SREK1IP1: variants seen among roughly 807,000 people sequenced by gnomAD.
The protein encoded by SREK1IP1 is protein SREK1IP1.
A neutral mutation model predicts 22.8 loss-of-function variants in SREK1IP1; 12 were observed. That is an observed-to-expected ratio of 0.53 (90% CI 0.34 to 0.85). The LOEUF is 0.85. SREK1IP1 is among the 40% of genes least tolerant of loss of function. SREK1IP1 has a pLI of 0.02. For missense variants in SREK1IP1, 147 were observed against 171.8 expected (o/e 0.86, Z 0.81); for synonymous variants, 53 against 52.7 (o/e 1.01, Z -0.02).
Position 64,724,450 on chromosome 5 carries a change from T to C in SREK1IP1, c.402A>G (p.Glu134=). ...KSKKGKHHKK[E]KKKRKKEKHS... ...GCTTTTCCTTTTTTCTCTTCTTTTT[T>C]TCCTTTTTGTGATGTTTCCCTTTTT... Residue 134 remains glutamate (E), a synonymous_variant, in exon 5 of 5, where the codon GAA becomes GAG. Transcript: ENST00000513458. 1.3e-6 allele frequency: 2 copies of C among 1,588,972 alleles called. No homozygotes were observed. The highest frequency in any genetic ancestry group is 1.7e-6 in the Non-Finnish European group (2 of 1,173,492).
chr5:64,741,128 C>T lies in SREK1IP1; in HGVS notation c.134G>A (p.Ser45Asn). The T allele has an allele frequency of 6.2e-7, 1 of 1,612,900 alleles. No homozygotes were observed. Among genetic ancestry groups the T allele is most frequent in the Non-Finnish European group, 8.5e-7 (1 of 1,179,306 alleles). Residue 45 changes from serine to asparagine, a missense_variant, in exon 3 of 5, where the codon AGC becomes AAC. By Grantham distance (46) the Ser-to-Asn change is conservative. Around this residue, in one of 3 missense-constraint regions of SREK1IP1, gnomAD observed 62 missense variants for 73.3 expected, o/e 0.85. Coordinates refer to ENST00000513458, the MANE Select transcript of SREK1IP1 (RefSeq NM_173829.4). ...DPKRDIVLDV[S>N]STSSEDSDEE... is the part of the protein sequence containing the mutation. ...ATCGCTATCTTCACTACTTGTACTG[C>T]TGACATCCAAAACTATGTCCCTTTT...
chr5:64,752,144 G>GTAT (rs755420855), intron 2 of SREK1IP1, among the ~76,000 whole-genome samples: 16 of 85,474 alleles, frequency 1.9e-4, no homozygotes, highest in African/African-American at 7.9e-4. Context: ...TTTTTTTTGT[G>GTAT]TGTTTTTTTT....
At position 64,722,402 on chromosome 5, in the gene SREK1IP1, A is replaced by G. The variant is rs1334195170; in HGVS notation, c.*1982T>C. 6.6e-6 allele frequency: 1 copy of G among 152,208 alleles called. No homozygotes were observed. The highest frequency in any genetic ancestry group is 2.4e-5 in the African/African-American group (1 of 41,466). The allele number at this position is 152,208 out of a possible 1,614,324, so 9.4% of individuals were successfully genotyped here. A position where few individuals can be genotyped will look rare whatever the true frequency, so the allele number is the denominator to read the frequency against. On this transcript the variant is annotated 3_prime_UTR_variant, in exon 5 of 5. Transcript: ENST00000513458. ...TTTCACTACAATTACTATCATTTTT[A>G]ACTATCTTACTCAATGGAATAAGGT...
chr5:64,749,592 G>A (rs867633595), intron 2 of SREK1IP1, among the ~76,000 whole-genome samples: 3 of 152,092 alleles, frequency 2.0e-5, no homozygotes, highest in Middle Eastern at 3.4e-3. Context: ...GCACGCCACC[G>A]TGCCTGGCTA....
At position 64,722,078 on chromosome 5, in the gene SREK1IP1, G is replaced by A. The variant is rs1430782757; in HGVS notation, c.*2306C>T. 2 of 152,052 alleles carry A rather than the reference G, an allele frequency of 1.3e-5. No individual in the cohort carries two copies. Among genetic ancestry groups the A allele is most frequent in the African/African-American group, 4.8e-5 (2 of 41,406 alleles). The allele number at this position is 152,052 out of a possible 1,614,324, so 9.4% of individuals were successfully genotyped here. On this transcript the variant is annotated 3_prime_UTR_variant, in exon 5 of 5. Coordinates refer to ENST00000513458, the MANE Select transcript of SREK1IP1 (RefSeq NM_173829.4). ...ATTTTCTTCTAAAACATATTCATGA[G>A]ATTTGCATCCAATCTCAATAATAAT...
chr5:64,745,820 A>AT (rs147793574), intron 2 of SREK1IP1, among the ~76,000 whole-genome samples: 10,104 of 151,592 alleles, frequency 0.067, 1,106 homozygotes, highest in African/African-American at 0.23. Context: ...TTTCTTACTG[A>AT]TTTTTTTTTC....
intron 3 of SREK1IP1, among the ~76,000 whole-genome samples, chr5:64,738,565 T>C (rs1742503460): frequency 6.6e-6 from 1 of 152,244 alleles, no homozygotes; most frequent in African/African-American, 2.4e-5. Context: ...AGGCATCACA[T>C]TCCTTGATTT....
chr5:64,763,293 C>CT (rs1463803562), intron 1 of SREK1IP1, among the ~76,000 whole-genome samples: 8 of 152,026 alleles, frequency 5.3e-5, no homozygotes, highest in Non-Finnish European at 1.2e-4. Context: ...AATCCCAGAA[C>CT]TTTGGGAGGC....
At chr5:64,753,466 G>C (rs1742783780) in intron 2 of SREK1IP1, among the ~76,000 whole-genome samples, 1 of 152,174 alleles carries the variant, frequency 6.6e-6, no homozygotes, top group African/African-American at 2.4e-5. Flanking sequence ...TTTGCTACTT[G>C]AGCAAGCTTC....
rs370173165 is a variant in SREK1IP1 at position 64,757,058 on chromosome 5, T to C, written c.14-2696A>G. 2.6e-5 allele frequency among the ~76,000 whole-genome samples: 4 copies of C among 152,198 alleles called. No individual in the cohort carries two copies. The East Asian group carries it at 7.7e-4, about 29-fold the overall frequency. On this transcript the variant is annotated intron_variant, in intron 1 of 4. Transcript: ENST00000513458. ...TATAATTTTAAAACTATTTCTTTGG[T>C]GTTATGAAGTTAAAACATTAGTTAT... is the stretch of plus-strand genomic sequence containing the variant.
chr5:64,764,391 T>C (rs1252968359), intron 1 of SREK1IP1, among the ~76,000 whole-genome samples: 2 of 152,136 alleles, frequency 1.3e-5, no homozygotes, highest in Non-Finnish European at 2.9e-5. Context: ...AAGCTTCCCA[T>C]AGGTAGTTAC....
At chr5:64,755,273 G>T (rs1742819329) in intron 1 of SREK1IP1, among the ~76,000 whole-genome samples, 1 of 151,134 alleles carries the variant, frequency 6.6e-6, no homozygotes, top group African/African-American at 2.4e-5. Flanking sequence ...CATCTTCATT[G>T]CAGCATTATT....
rs768699355 is a variant in SREK1IP1, at chr5:64,754,314, C to A, written c.61+1G>T. 5.6e-6 allele frequency: 9 copies of A among 1,613,604 alleles called. No individual in the cohort carries two copies. The highest frequency in any genetic ancestry group is 6.8e-6 in the Non-Finnish European group (8 of 1,179,708). ...AGCATGTCATCTTTTAGAATACTTA[C>A]GGTAGCCACATTTTTTACAGCCTGC... On this transcript the variant is annotated splice_donor_variant, in intron 2 of 4. Transcript: ENST00000513458. LOFTEE classifies it high-confidence loss of function.
At chr5:64,760,770 T>C (rs1042022732) in intron 1 of SREK1IP1, among the ~76,000 whole-genome samples, 19 of 152,254 alleles carry the variant, frequency 1.2e-4, no homozygotes, top group African/African-American at 4.3e-4. Flanking sequence ...GAGCCATCTT[T>C]TCATGTTTCT....
At position 64,768,686 on chromosome 5, in the gene SREK1IP1, G is replaced by A. The variant is rs1252307897; in HGVS notation, c.-169C>T. ...TACGCCTCTAGCGACGGCAGAACCA[G>A]TAGATGCGGATGCAGTTTCCGGACG... On this transcript the variant is annotated 5_prime_UTR_variant, in exon 1 of 5. Transcript: ENST00000513458. 1.2e-6 allele frequency: 1 copy of A among 803,078 alleles called. No individual in the cohort carries two copies. The highest frequency in any genetic ancestry group is 2.6e-5 in the East Asian group (1 of 37,742). 49.7% of individuals were successfully genotyped at this position (803,078 alleles called of 1,614,324 possible).
chr5:64,763,535 A>AC (rs1742987466), intron 1 of SREK1IP1, among the ~76,000 whole-genome samples: 1 of 151,288 alleles, frequency 6.6e-6, no homozygotes, highest in Non-Finnish European at 1.5e-5. Flanking sequence ...AGACTCCGTC[A>AC]CCCCCTCCCC....
intron 2 of SREK1IP1, among the ~76,000 whole-genome samples, chr5:64,745,160 T>G (rs1742611855): frequency 1.3e-5 from 2 of 152,210 alleles, no homozygotes; most frequent in Admixed American, 1.3e-4. Context: ...GGATTTCCCT[T>G]TCATTCTTTT....
chr5:64,766,488 A>T lies in SREK1IP1; in HGVS notation c.13+2017T>A, dbSNP rs114586819. On this transcript the variant is annotated intron_variant, in intron 1 of 4. Coordinates refer to ENST00000513458, the MANE Select transcript of SREK1IP1 (RefSeq NM_173829.4). ...TATTGAGACCACATCTCAGCCACACATCATTATAACTCACCAGAATTACTC... is the reference window on the plus strand; with the variant it reads ...TATTGAGACCACATCTCAGCCACACTTCATTATAACTCACCAGAATTACTC... Among the ~76,000 whole-genome samples the T allele has an allele frequency of 5.1e-3, 775 of 152,342 alleles. 7 individuals carry two copies. Among genetic ancestry groups the T allele is most frequent in the African/African-American group, 0.017 (727 of 41,580 alleles).
chr5:64,756,480 G>A (rs188701588), intron 1 of SREK1IP1, among the ~76,000 whole-genome samples: 221 of 152,200 alleles, frequency 1.5e-3, no homozygotes, highest in African/African-American at 5.3e-3. Context: ...CCATATTATA[G>A]CATGTATTAG....
Sources: allele counts gnomAD v4.1 joint callset (sites outside exome capture counted in the v4.1 genomes callset), GRCh38; gene constraint gnomAD v4.1.1; regional missense constraint gnomAD v4.1.1; transcripts MANE v1.5; gene names NCBI Gene and HGNC (gene_info 2026-07-23, HGNC 2026-07-21).